APBA1: variants seen among roughly 807,000 people sequenced by gnomAD.
APBA1 encodes the protein amyloid beta precursor protein binding family A member 1, also known as amyloid-beta A4 precursor protein-binding family A member 1.
In APBA1, 55 loss-of-function variants were observed where a neutral mutation model predicts 86.6. The ratio of observed to expected loss-of-function variants is 0.64; its 90% CI spans 0.51 to 0.80. The LOEUF is 0.80. Ranked by LOEUF, APBA1 falls within the 30% of genes least tolerant of loss-of-function variation. The probability of loss-of-function intolerance (pLI) is 0.00; values close to 1 mark genes in which losing one functional copy is unlikely to be tolerated. For synonymous variants in APBA1, 511 were observed against 493.9 expected, an observed-to-expected ratio of 1.03 and a Z score of -0.46; for missense variants, 1,090 against 1,183.0, an observed-to-expected ratio of 0.92 and a Z score of 1.15.
chr9:69,654,079 T>C (rs1588413991), intron 1 of APBA1, among the ~76,000 whole-genome samples: 1 of 122,276 alleles, frequency 8.2e-6, no homozygotes, highest in East Asian at 2.4e-4. Flanking sequence ...ACCATTGCAC[T>C]CCAGCCTCGG....
chr9:69,465,973 G>T (rs954988079), intron 5 of APBA1, among the ~76,000 whole-genome samples: 6 of 152,190 alleles, frequency 3.9e-5, no homozygotes, highest in African/African-American at 1.4e-4. Context: ...CTGACACTAG[G>T]TCTGGCCTAG....
chr9:69,655,890 A>G (rs571945552), intron 1 of APBA1, among the ~76,000 whole-genome samples: 2 of 152,338 alleles, frequency 1.3e-5, no homozygotes, highest in South Asian at 4.1e-4. Flanking sequence ...AGTAGAAAAG[A>G]GGATCTTGAA....
chr9:69,636,826 AGAGAGGGAGGGAGGGAGGGAGG>A (rs1248200091), intron 1 of APBA1, among the ~76,000 whole-genome samples: 1 of 32,604 alleles, frequency 3.1e-5, no homozygotes. Context: ...AGAGAGAGAG[AGAGAGGGAGGGAGGGAGGGAGG>A]GAGGGAGGGA....
chr9:69,660,570 CAG>C (rs924453187), intron 1 of APBA1, among the ~76,000 whole-genome samples: 46 of 152,244 alleles, frequency 3.0e-4, no homozygotes, highest in African/African-American at 1.0e-3. Context: ...TGGTTAATAA[CAG>C]AGGGGGGAAA....
chr9:69,630,105 G>T (rs1456640165), intron 1 of APBA1, among the ~76,000 whole-genome samples: 3 of 151,992 alleles, frequency 2.0e-5, no homozygotes, highest in African/African-American at 7.2e-5. Flanking sequence ...AAGTATGTAT[G>T]TGAAGGGGCA....
chr9:69,451,520 C>T (rs189217006), intron 9 of APBA1, among the ~76,000 whole-genome samples: 10 of 152,304 alleles, frequency 6.6e-5, no homozygotes, highest in African/African-American at 1.7e-4. Context: ...CTAGCCAAAC[C>T]GTATTTCCTC....
intron 1 of APBA1, among the ~76,000 whole-genome samples, chr9:69,588,042 A>T (rs1822056157): frequency 6.6e-6 from 1 of 150,506 alleles, no homozygotes; most frequent in South Asian, 2.1e-4. Context: ...AAAAAAAAAA[A>T]AGAAAGAAAA....
chr9:69,550,174 G>T (rs1836762497), intron 1 of APBA1, among the ~76,000 whole-genome samples: 1 of 152,216 alleles, frequency 6.6e-6, no homozygotes, highest in Admixed American at 6.5e-5. Flanking sequence ...CATTTATTTA[G>T]CTGTTTTATT....
chr9:69,658,588 TAAGAC>T (rs1823691414), intron 1 of APBA1, among the ~76,000 whole-genome samples: 1 of 150,316 alleles, frequency 6.7e-6, no homozygotes. Flanking sequence ...TTTTTTCAGT[TAAGAC>T]AGGGTTTCAC....
intron 1 of APBA1, among the ~76,000 whole-genome samples, chr9:69,546,465 C>T (rs548854776): frequency 6.6e-6 from 1 of 152,138 alleles, no homozygotes; most frequent in East Asian, 1.9e-4. Flanking sequence ...AGTAAGATAA[C>T]CAAGAGGGCG....
chr9:69,558,545 T>TACAC (rs1327511661), intron 1 of APBA1, among the ~76,000 whole-genome samples: 4 of 88,692 alleles, frequency 4.5e-5, no homozygotes, highest in African/African-American at 6.6e-5. Flanking sequence ...CACACACACA[T>TACAC]ACACACACAC....
chr9:69,456,334 G>A lies in APBA1; in HGVS notation c.1701C>T (p.Asn567=), dbSNP rs774376859. ...GGGACGCTTCCACGTTCTCCTGGGA[G>A]TTGGAGCGAGGCATCCGCCGGCGGG... ...LMARRRMPRS[N]SQENVEASHP... is the part of the protein sequence containing the mutation. The change falls in exon 8 of 13, where the codon AAC becomes AAT. Residue 567 remains asparagine (N), a synonymous_variant. Transcript: ENST00000265381. The A allele has an allele frequency of 6.2e-7, 1 of 1,614,194 alleles. No homozygotes were observed. Among genetic ancestry groups the A allele is most frequent in the African/African-American group, 1.3e-5 (1 of 75,048 alleles).
At position 69,516,950 on chromosome 9, in the gene APBA1, G is replaced by A. The variant is rs1416313393; in HGVS notation, c.261C>T (p.Asn87=). ...RSASTESGFH[N]HTDTAEGDVI... ...CGTCGCCCTCGGCGGTGTCCGTGTG[G>A]TTGTGGAAGCCGCTCTCCGTGCTGG... Residue 87 remains asparagine, a synonymous_variant, in exon 2 of 13, where the codon AAC becomes AAT. Coordinates refer to ENST00000265381, the MANE Select transcript of APBA1 (RefSeq NM_001163.4). This position sits in a 1 kb window ranked among gnomAD's most constrained non-coding sequence, Gnocchi z 7.3. The A allele has an allele frequency of 1.9e-6, 3 of 1,593,972 alleles. No homozygotes were observed. The highest frequency in any genetic ancestry group is 2.5e-6 in the Non-Finnish European group (3 of 1,177,210).
At chr9:69,658,274 T>TTCTCTCTC (rs1491574165) in intron 1 of APBA1, among the ~76,000 whole-genome samples, 5 of 68,310 alleles carry the variant, frequency 7.3e-5, no homozygotes, top group African/African-American at 1.9e-4. Context: ...CTTTCTTTCT[T>TTCTCTCTC]TCTTTCTTTC....
intron 1 of APBA1, among the ~76,000 whole-genome samples, chr9:69,569,321 TGAGA>T (rs538236544): frequency 6.6e-6 from 1 of 152,214 alleles, no homozygotes; most frequent in African/African-American, 2.4e-5. Flanking sequence ...CAAAGCTATT[TGAGA>T]GAGTGTGTGA....
chr9:69,589,564 A>T (rs1354307284), intron 1 of APBA1, among the ~76,000 whole-genome samples: 1 of 152,166 alleles, frequency 6.6e-6, no homozygotes, highest in African/African-American at 2.4e-5. Context: ...TGGGGGTCTC[A>T]GTACCCAGCT....
In APBA1 at chr9:69,526,459, CAT is replaced by C. The variant is rs573846345; in HGVS notation, c.-69-9182_-69-9181del. ...AGAAGACATACAAGTGGCCAAGAAA[CAT>C]ATGAAAAAATGTTCAATATCACTAA... On this transcript the variant is annotated intron_variant, in intron 1 of 12. Transcript: ENST00000265381. Among the ~76,000 whole-genome samples the C allele has an allele frequency of 1.4e-4, 21 of 152,110 alleles. No individual in the cohort carries two copies. The East Asian group carries it at 2.3e-3, about 17-fold the overall frequency.
chr9:69,533,848 G>C (rs1030694205), intron 1 of APBA1, among the ~76,000 whole-genome samples: 13 of 152,170 alleles, frequency 8.5e-5, no homozygotes, highest in Admixed American at 2.6e-4. Flanking sequence ...AGAAAACCAA[G>C]GAGTGGAGTG....
intron 2 of APBA1, among the ~76,000 whole-genome samples, chr9:69,491,851 G>A (rs909420636): frequency 1.2e-4 from 18 of 149,280 alleles, no homozygotes; most frequent in Non-Finnish European, 3.0e-5. Context: ...TGCAACCTCC[G>A]CCTCCCAGGT....
Sources: gnomAD v4.1 joint callset for allele counts (sites outside exome capture counted in the v4.1 genomes callset) on GRCh38, gnomAD v4.1.1 for gene constraint, Gnocchi (gnomAD v3.1) non-coding constraint, MANE v1.5 for transcripts, NCBI Gene and HGNC (gene_info 2026-07-23, HGNC 2026-07-21) for gene names.